PLCG2: variants seen among roughly 807,000 people sequenced by gnomAD.
The protein encoded by PLCG2 is 1-phosphatidylinositol 4,5-bisphosphate phosphodiesterase gamma-2.
A neutral mutation model predicts 175.6 loss-of-function variants in PLCG2; 69 were observed. That is an observed-to-expected ratio of 0.39 (90% confidence interval 0.32 to 0.48). The LOEUF (loss-of-function observed/expected upper bound fraction) is 0.48, where lower values mean the gene tolerates loss of function less well. PLCG2 is among the 20% of genes least tolerant of loss of function. The pLI, the probability that PLCG2 is intolerant of heterozygous loss-of-function variation, is 0.91. For synonymous variants in PLCG2, 827 were observed against 624.0 expected (o/e 1.33, Z -4.85); for missense variants, 1,798 against 1,650.9 (o/e 1.09, Z -1.54).
chr16:81,908,599 C>T lies in PLCG2; in HGVS notation c.1733+8C>T, dbSNP rs767697129. Reference sequence around the variant, plus strand: ...CTACACCCTGTCCTTCTGGTAATGCCCCCGACCCAGGGAACGCCTACCTTC... The same window carrying T: ...CTACACCCTGTCCTTCTGGTAATGCTCCCGACCCAGGGAACGCCTACCTTC... On this transcript the variant is annotated splice_region_variant and intron_variant, in intron 17 of 32. Coordinates refer to ENST00000564138, the MANE Select transcript of PLCG2 (RefSeq NM_002661.5). 3 of 1,600,656 alleles carry T rather than the reference C, an allele frequency of 1.9e-6. No individual in the cohort carries two copies. In the South Asian group the frequency reaches 3.4e-5, roughly 18 times the overall value.
At chr16:81,852,999 C>G (rs1906495262) in intron 2 of PLCG2, among the ~76,000 whole-genome samples, 1 of 152,144 alleles carries the variant, frequency 6.6e-6, no homozygotes, top group Non-Finnish European at 1.5e-5. Context: ...GCTGGCTTCC[C>G]CCAGAGCACA....
chr16:81,796,898 G>T (rs1280841805), intron 2 of PLCG2, among the ~76,000 whole-genome samples: 3 of 152,194 alleles, frequency 2.0e-5, no homozygotes, highest in Non-Finnish European at 2.9e-5. Flanking sequence ...ATGAGTGGCA[G>T]GCCTAACACA....
chr16:81,942,991 T>C (rs568951367), intron 30 of PLCG2, among the ~76,000 whole-genome samples: 16 of 152,148 alleles, frequency 1.1e-4, no homozygotes, highest in African/African-American at 1.4e-4. Context: ...AGAAGGTACA[T>C]AGAGCTGGAG....
At chr16:81,853,696 C>G (rs1228890682) in intron 2 of PLCG2, among the ~76,000 whole-genome samples, 3 of 152,134 alleles carry the variant, frequency 2.0e-5, no homozygotes, top group African/African-American at 7.2e-5. Context: ...TGGGGAATCC[C>G]TGATTTATAC....
At chr16:81,901,126 G>A (rs1427597054) in intron 14 of PLCG2, among the ~76,000 whole-genome samples, 1 of 152,186 alleles carries the variant, frequency 6.6e-6, no homozygotes, top group Non-Finnish European at 1.5e-5. Context: ...TTGTTCATTG[G>A]TGAACCTTCC....
In PLCG2 at chr16:81,900,499, C is replaced by A. The variant is rs77353266; in HGVS notation, c.1194-113C>A. ...GAGGGCAGATGTGGGGGTTGTGCCCCCCGAGCAGCGCCCGGTTTCTGTCGT... is the reference window on the plus strand; with the variant it reads ...GAGGGCAGATGTGGGGGTTGTGCCCACCGAGCAGCGCCCGGTTTCTGTCGT... On this transcript the variant is annotated intron_variant, in intron 13 of 32. Transcript: ENST00000564138. 2,974 of 920,286 alleles carry A rather than the reference C, an allele frequency of 3.2e-3. 64 individuals carry two copies. The African/African-American group carries it at 0.045, about 14-fold the overall frequency. 57.0% of individuals were successfully genotyped at this position (920,286 alleles called of 1,614,324 possible). A position where few individuals can be genotyped will look rare whatever the true frequency, so the allele number is the denominator to read the frequency against.
intron 25 of PLCG2, among the ~76,000 whole-genome samples, chr16:81,933,051 A>G (rs1427869983): frequency 6.6e-6 from 1 of 152,196 alleles, no homozygotes; most frequent in Admixed American, 6.5e-5. Flanking sequence ...TTATTTCCCT[A>G]GAAGGCTCTG....
chr16:81,776,690 C>T (rs922142563), upstream of PLCG2, among the ~76,000 whole-genome samples: 1 of 152,264 alleles, frequency 6.6e-6, no homozygotes, highest in East Asian at 1.9e-4. Context: ...GAGTAGCTGA[C>T]ACTACAGGTG....
chr16:81,742,767 G>A (rs555384137), intron 1 of PLCG2, among the ~76,000 whole-genome samples: 1 of 152,276 alleles, frequency 6.6e-6, no homozygotes, highest in African/African-American at 2.4e-5. Context: ...GTGAACAGGG[G>A]CCGGGAGCCT....
At chr16:81,949,773 A>T (rs989293240) in intron 31 of PLCG2, among the ~76,000 whole-genome samples, 1 of 152,190 alleles carries the variant, frequency 6.6e-6, no homozygotes, top group African/African-American at 2.4e-5. Flanking sequence ...GAAGAAATAT[A>T]CCATGATAAA....
At chr16:81,876,951 GC>G (rs1274828138) in intron 7 of PLCG2, among the ~76,000 whole-genome samples, 1 of 152,212 alleles carries the variant, frequency 6.6e-6, no homozygotes, top group Non-Finnish European at 1.5e-5. Context: ...ACCAAGGTGG[GC>G]CTGGGTTGAA....
chr16:81,862,523 A>G (rs1409610504), intron 5 of PLCG2, among the ~76,000 whole-genome samples: 3 of 152,218 alleles, frequency 2.0e-5, no homozygotes, highest in Non-Finnish European at 4.4e-5. Context: ...CAGGGTTTGC[A>G]GACTTACTTT....
chr16:81,763,945 C>T lies in PLCG2; in HGVS notation c.-48+7979C>T, dbSNP rs547938294. 8.6e-5 allele frequency among the ~76,000 whole-genome samples: 13 copies of T among 151,552 alleles called. No homozygotes were observed. The South Asian group carries it at 2.1e-3, about 24-fold the overall frequency. The stretch of plus-strand genomic sequence containing the variant: ...TTTTGCCACTGCACTCCAGCCTGGG[C>T]GACAGAGAGACTCTGTCTCAAAAAA... On this transcript the variant is annotated intron_variant, in intron 2 of 5. Transcript: ENST00000565054.
At chr16:81,927,265 T>C (rs1910315186) in intron 23 of PLCG2, 87 bp downstream of exon 23, 1 of 855,090 alleles carries the variant, frequency 1.2e-6, no homozygotes, top group Admixed American at 1.8e-5. Flanking sequence ...AGTGGGTGAA[T>C]TTTTCCATGT....
intron 4 of PLCG2, among the ~76,000 whole-genome samples, chr16:81,858,575 T>G (rs1215388865): frequency 6.6e-6 from 1 of 152,184 alleles, no homozygotes; most frequent in Non-Finnish European, 1.5e-5. Flanking sequence ...GTTGGCCTAT[T>G]GGAGTGAGTG....
intron 23 of PLCG2, among the ~76,000 whole-genome samples, 186 bp downstream of exon 23, chr16:81,927,364 G>A (rs892124665): frequency 7.9e-5 from 12 of 152,228 alleles, no homozygotes; most frequent in African/African-American, 2.9e-4. Flanking sequence ...GTGAGTTGCT[G>A]TGACAAGCCG....
chr16:81,941,944 CGGCACTGATCAG>C (rs1408545532), intron 30 of PLCG2, among the ~76,000 whole-genome samples: 1 of 152,060 alleles, frequency 6.6e-6, no homozygotes, highest in Non-Finnish European at 1.5e-5. Context: ...ACTTTAAACC[CGGCACTGATCAG>C]GGCTGTGATT....
rs1161880543 is a variant in PLCG2 at position 81,842,310 on chromosome 16, T to C, written c.194-12134T>C. The stretch of plus-strand genomic sequence containing the variant: ...TGGGGAGGAGCCCCAGTGTGGACTC[T>C]GTTGCACTCCTGATGTGGATGGAGA... On this transcript the variant is annotated intron_variant, in intron 2 of 32. Transcript: ENST00000564138. 2.6e-5 allele frequency among the ~76,000 whole-genome samples: 4 copies of C among 152,194 alleles called. No homozygotes were observed. In the East Asian group the frequency reaches 7.7e-4, roughly 29 times the overall value.
intron 5 of PLCG2, among the ~76,000 whole-genome samples, chr16:81,864,635 G>C (rs967812955): frequency 2.8e-4 from 42 of 152,210 alleles, no homozygotes; most frequent in African/African-American, 8.2e-4. Flanking sequence ...TATGTGAAGG[G>C]TGCGTGGACC....
Sources: gnomAD v4.1 joint callset for allele counts (sites outside exome capture counted in the v4.1 genomes callset) on GRCh38, gnomAD v4.1.1 for gene constraint, MANE v1.5 for transcripts, NCBI Gene and HGNC (gene_info 2026-07-23, HGNC 2026-07-21) for gene names.